Variants in AP3M1 observed in about 807,000 individuals in gnomAD.
AP3M1 encodes the protein adaptor related protein complex 3 subunit mu 1.
A neutral mutation model predicts 42.6 loss-of-function variants in AP3M1; 29 were observed. The observed-to-expected ratio is 0.68, with a 90% CI of 0.51 to 0.93. The LOEUF is 0.93. Ranked by LOEUF, AP3M1 falls within the 40% of genes least tolerant of loss-of-function variation. The probability of loss-of-function intolerance (pLI) is 0.00; values close to 1 mark genes in which losing one functional copy is unlikely to be tolerated. For synonymous variants in AP3M1, 178 were observed against 175.3 expected, an observed-to-expected ratio of 1.02 and a Z score of -0.12; for missense variants, 416 against 510.2, an observed-to-expected ratio of 0.82 and a Z score of 1.78.
chr10:74,136,415 GAAAA>G (rs762044881), intron 3 of AP3M1, among the ~76,000 whole-genome samples: 1 of 140,086 alleles, frequency 7.1e-6, no homozygotes, highest in Non-Finnish European at 1.6e-5. Flanking sequence ...TGGTGTTTTA[GAAAA>G]AAAAAAAGAG....
chr10:74,139,525 T>C (rs2131988206), intron 1 of AP3M1, among the ~76,000 whole-genome samples: 1 of 150,494 alleles, frequency 6.6e-6, no homozygotes, highest in East Asian at 2.0e-4. Context: ...CTCATGCCTA[T>C]AATCCCAGCA....
intron 7 of AP3M1, among the ~76,000 whole-genome samples, chr10:74,125,371 G>A (rs574751939): frequency 3.3e-5 from 5 of 152,112 alleles, no homozygotes; most frequent in African/African-American, 7.2e-5. Context: ...TGAAATCTTC[G>A]GTGTGAAGGC....
At position 74,138,443 on chromosome 10, in the gene AP3M1, A is replaced by G. The variant is rs906335554; in HGVS notation, c.-3-61T>C. On this transcript the variant is annotated intron_variant, in intron 1 of 8. Coordinates refer to ENST00000355264, the MANE Select transcript of AP3M1 (RefSeq NM_012095.6). ...ATTAAATATCATTTAACATACACAA[A>G]AAGATTATACACCTTGACCAAGTGG... is the stretch of plus-strand genomic sequence containing the variant. 9.3e-5 allele frequency: 136 copies of G among 1,467,122 alleles called. 1 individual carries two copies. The highest frequency in any genetic ancestry group is 8.4e-5 in the Non-Finnish European group (91 of 1,081,592). The allele number at this position is 1,467,122 out of a possible 1,614,324, so 90.9% of individuals were successfully genotyped here.
chr10:74,142,419 G>A (rs11000889), intron 1 of AP3M1, among the ~76,000 whole-genome samples: 83,588 of 152,020 alleles, frequency 0.55, 23,673 homozygotes, highest in Middle Eastern at 0.62. Context: ...TTATGAAAGC[G>A]GCTGACATTT....
In AP3M1 at chr10:74,122,484, G is replaced by C. The variant is rs1035842592; in HGVS notation, c.*1326C>G. On this transcript the variant is annotated 3_prime_UTR_variant, in exon 9 of 9. Transcript: ENST00000355264. ...CTAATGAGGCAAAATAACTGGGCAA[G>C]GACCACCAAGATGAAGAAGTTAAAT... is the stretch of plus-strand genomic sequence containing the variant. 1.3e-5 allele frequency: 2 copies of C among 151,718 alleles called. No homozygotes were observed. The highest frequency in any genetic ancestry group is 4.8e-5 in the African/African-American group (2 of 41,288). The allele number at this position is 151,718 out of a possible 1,614,324, so 9.4% of individuals were successfully genotyped here. A position where few individuals can be genotyped will look rare whatever the true frequency, so the allele number is the denominator to read the frequency against.
At chr10:74,137,971 G>C in intron 2 of AP3M1, 136 bp downstream of exon 2, 1 of 878,364 alleles carries the variant, frequency 1.1e-6, no homozygotes, top group Non-Finnish European at 1.7e-6. Flanking sequence ...ACACAGAAAA[G>C]GGCTTATGAA....
At position 74,123,066 on chromosome 10, in the gene AP3M1, C is replaced by A. The variant is rs1293013554; in HGVS notation, c.*744G>T. On this transcript the variant is annotated 3_prime_UTR_variant, in exon 9 of 9. Coordinates refer to ENST00000355264, the MANE Select transcript of AP3M1 (RefSeq NM_012095.6). ...TTTTACTACCTTAATAAAGCATTTG[C>A]CCCTTTGATACAAATGATTTTTTTA... 1 of 152,576 alleles carries A rather than the reference C, an allele frequency of 6.6e-6. No individual in the cohort carries two copies. The highest frequency in any genetic ancestry group is 1.5e-5 in the Non-Finnish European group (1 of 68,030). The allele number at this position is 152,576 out of a possible 1,614,324, so 9.5% of individuals were successfully genotyped here. A position where few individuals can be genotyped will look rare whatever the true frequency, so the allele number is the denominator to read the frequency against.
chr10:74,139,803 A>G (rs962694097), intron 1 of AP3M1, among the ~76,000 whole-genome samples: 2 of 150,886 alleles, frequency 1.3e-5, no homozygotes, highest in East Asian at 3.9e-4. Flanking sequence ...GCTACTCAGG[A>G]GGCTGAGGCA....
At chr10:74,144,635 C>T (rs1284372592) in intron 1 of AP3M1, among the ~76,000 whole-genome samples, 2 of 150,824 alleles carry the variant, frequency 1.3e-5, no homozygotes, top group Admixed American at 6.6e-5. Context: ...ATATATTGAA[C>T]AGTGCATGAA....
intron 4 of AP3M1, among the ~76,000 whole-genome samples, chr10:74,133,360 C>A (rs1052214501): frequency 6.6e-6 from 1 of 150,714 alleles, no homozygotes; most frequent in Non-Finnish European, 1.5e-5. Flanking sequence ...CACCATTGCA[C>A]TCCACCCTGG....
At chr10:74,139,203 G>T (rs1841046100) in intron 1 of AP3M1, among the ~76,000 whole-genome samples, 1 of 151,672 alleles carries the variant, frequency 6.6e-6, no homozygotes, top group Non-Finnish European at 1.5e-5. Context: ...AAAATCCTAA[G>T]GAATCCACAC....
intron 1 of AP3M1, among the ~76,000 whole-genome samples, chr10:74,147,796 C>T (rs955199100): frequency 5.9e-5 from 9 of 151,774 alleles, no homozygotes; most frequent in Non-Finnish European, 4.4e-5. Context: ...GTCAGGAGTT[C>T]GAGACCAGCC....
At chr10:74,145,362 A>T (rs934320661) in intron 1 of AP3M1, among the ~76,000 whole-genome samples, 45 of 152,292 alleles carry the variant, frequency 3.0e-4, no homozygotes, top group African/African-American at 1.0e-3. Context: ...TATTGTTGTT[A>T]TCCTTAGTGC....
intron 1 of AP3M1, among the ~76,000 whole-genome samples, chr10:74,148,575 C>T (rs1173441777): frequency 6.6e-6 from 1 of 152,104 alleles, no homozygotes; most frequent in East Asian, 1.9e-4. Context: ...GAGATAGGGT[C>T]TTGTTTTGTT....
At chr10:74,149,029 C>T (rs767591855) in intron 1 of AP3M1, among the ~76,000 whole-genome samples, 5 of 151,672 alleles carry the variant, frequency 3.3e-5, no homozygotes, top group East Asian at 1.9e-4. Flanking sequence ...CGTGCCACCA[C>T]GCCCAGATAA....
At chr10:74,150,390 T>C in intron 1 of AP3M1, 1 of 152,816 alleles carries the variant, frequency 6.5e-6, no homozygotes, top group Non-Finnish European at 1.5e-5. Flanking sequence ...CCCAGGCTCT[T>C]CCAGGCACCA....
At chr10:74,130,021 A>G in intron 4 of AP3M1, 29 bp from the exon 5 acceptor site, 2 of 1,396,738 alleles carry the variant, frequency 1.4e-6, no homozygotes, top group Non-Finnish European at 2.0e-6. Flanking sequence ...AAGGAAGATA[A>G]CATCAATGGA....
intron 1 of AP3M1, among the ~76,000 whole-genome samples, chr10:74,141,311 T>C (rs1382845869): frequency 6.6e-6 from 1 of 152,026 alleles, no homozygotes; most frequent in African/African-American, 2.4e-5. Flanking sequence ...CTGTAGTCCC[T>C]GCTACTTGGG....
chr10:74,138,597 GA>G (rs35488304), intron 1 of AP3M1, among the ~76,000 whole-genome samples: 62,045 of 110,928 alleles, frequency 0.56, 15,023 homozygotes, highest in Middle Eastern at 0.63. Flanking sequence ...ATCCTTTTAC[GA>G]AAAAAAAAAA....
Sources: gnomAD v4.1 joint callset for allele counts (sites outside exome capture counted in the v4.1 genomes callset) on GRCh38, gnomAD v4.1.1 for gene constraint, MANE v1.5 for transcripts, NCBI Gene and HGNC (gene_info 2026-07-23, HGNC 2026-07-21) for gene names.